The following DENND1A variants were observed in gnomAD, a reference collection of about 807,000 sequenced individuals.
DENND1A encodes DENN domain-containing protein 1A.
A neutral mutation model predicts 113.7 loss-of-function variants in DENND1A; 51 were observed. That is an observed-to-expected ratio of 0.45 (90% confidence interval 0.36 to 0.57). The LOEUF (loss-of-function observed/expected upper bound fraction) is 0.57, where lower values mean the gene tolerates loss of function less well. DENND1A is among the 20% of genes least tolerant of loss of function. The pLI, the probability that DENND1A is intolerant of heterozygous loss-of-function variation, is 0.00. For synonymous variants in DENND1A, 565 were observed against 570.8 expected (o/e 0.99, Z 0.14); for missense variants, 1,258 against 1,395.9 (o/e 0.90, Z 1.57).
intron 5 of DENND1A, among the ~76,000 whole-genome samples, chr9:123,705,830 A>T (rs2140810670): frequency 6.6e-6 from 1 of 152,342 alleles, no homozygotes; most frequent in African/African-American, 2.4e-5. Context: ...ATGGAAAGGC[A>T]CAATACCAAG....
intron 13 of DENND1A, among the ~76,000 whole-genome samples, chr9:123,488,245 C>T (rs1228271797): frequency 6.6e-6 from 1 of 152,198 alleles, no homozygotes. Context: ...CAGTGCTTCC[C>T]CCTCCCCCAG....
intron 13 of DENND1A, among the ~76,000 whole-genome samples, chr9:123,536,219 C>T (rs1001692381): frequency 1.3e-5 from 2 of 152,120 alleles, no homozygotes; most frequent in African/African-American, 2.4e-5. Flanking sequence ...GCTCACATCC[C>T]GGCACTTTGG....
Position 123,619,591 on chromosome 9 carries a change from T to C in DENND1A, c.720-10110A>G, listed in dbSNP as rs191020619. ...CACACCATCACACCTGGCTAATTTT[T>C]GTATTTGTTTTACAGGGACATGATT... On this transcript the variant is annotated intron_variant, in intron 10 of 23. Coordinates refer to ENST00000394215, the MANE Select transcript of DENND1A (RefSeq NM_001352964.2). Among the ~76,000 whole-genome samples, 569 of 152,256 alleles carry C rather than the reference T, an allele frequency of 3.7e-3. 6 individuals are homozygous for C. Among genetic ancestry groups the C allele is most frequent in the Middle Eastern group, 3.4e-3 (1 of 294 alleles).
intron 5 of DENND1A, among the ~76,000 whole-genome samples, chr9:123,710,676 T>TTTG (rs200538290): frequency 2.2e-4 from 32 of 148,756 alleles, no homozygotes; most frequent in East Asian, 5.8e-4. Context: ...CTTGGAGGTT[T>TTTG]TTTTTTTTTT....
At chr9:123,575,359 C>T (rs771775303) in intron 12 of DENND1A, among the ~76,000 whole-genome samples, 12 of 152,200 alleles carry the variant, frequency 7.9e-5, no homozygotes, top group Non-Finnish European at 1.5e-4. Flanking sequence ...TCGCTGCTCA[C>T]CTCCTACTGT....
intron 13 of DENND1A, among the ~76,000 whole-genome samples, chr9:123,554,612 C>T (rs959179326): frequency 3.3e-5 from 5 of 152,184 alleles, no homozygotes; most frequent in Non-Finnish European, 4.4e-5. Context: ...CTTCTGGTTT[C>T]CTTCTCCACC....
intron 13 of DENND1A, among the ~76,000 whole-genome samples, chr9:123,483,802 G>C (rs764035501): frequency 6.6e-6 from 1 of 152,220 alleles, no homozygotes; most frequent in Non-Finnish European, 1.5e-5. Flanking sequence ...CTACCTCCCA[G>C]AGTTGCTGCG....
chr9:123,639,268 T>C (rs2061894818), intron 9 of DENND1A, among the ~76,000 whole-genome samples: 2 of 151,092 alleles, frequency 1.3e-5, no homozygotes, highest in South Asian at 4.2e-4. Flanking sequence ...TGAAACCTTT[T>C]CTCTACCAAA....
intron 5 of DENND1A, among the ~76,000 whole-genome samples, chr9:123,680,347 G>A (rs891931444): frequency 1.3e-5 from 2 of 152,210 alleles, no homozygotes; most frequent in Non-Finnish European, 2.9e-5. Flanking sequence ...AACTTGAGAA[G>A]TTTCCTCCAC....
At chr9:123,788,367 TATA>T (rs756098112) in intron 3 of DENND1A, among the ~76,000 whole-genome samples, 2 of 152,098 alleles carry the variant, frequency 1.3e-5, no homozygotes, top group African/African-American at 4.8e-5. Context: ...GAAAAAATCA[TATA>T]ATGTTTTGAG....
rs769186855 is a variant in DENND1A at position 123,457,439 on chromosome 9, T to C, written c.1099-4A>G. On this transcript the variant is annotated splice_region_variant and splice_polypyrimidine_tract_variant and intron_variant, in intron 14 of 23. Transcript: ENST00000394215. ...GATCTAATCGACCATCAATAAACTATAGAAAGAAGGAACAAAAGCACAACA... is the reference window on the plus strand; with the variant it reads ...GATCTAATCGACCATCAATAAACTACAGAAAGAAGGAACAAAAGCACAACA... The C allele has an allele frequency of 1.2e-6, 2 of 1,611,260 alleles. No homozygotes were observed. The highest frequency in any genetic ancestry group is 1.7e-5 in the Admixed American group (1 of 59,988).
At chr9:123,624,701 G>A (rs2061121048) in intron 10 of DENND1A, among the ~76,000 whole-genome samples, 1 of 152,182 alleles carries the variant, frequency 6.6e-6, no homozygotes, top group South Asian at 2.1e-4. Context: ...CAAGGACTTA[G>A]CAGCCTTCCT....
intron 1 of DENND1A, among the ~76,000 whole-genome samples, chr9:123,918,851 T>C (rs1167012652): frequency 1.3e-5 from 2 of 152,122 alleles, no homozygotes; most frequent in Admixed American, 6.6e-5. Flanking sequence ...AGACATAATG[T>C]ACCTCTTGAT....
At chr9:123,799,634 A>G (rs962516790) in intron 2 of DENND1A, among the ~76,000 whole-genome samples, 4 of 152,230 alleles carry the variant, frequency 2.6e-5, no homozygotes, top group Non-Finnish European at 5.9e-5. Flanking sequence ...TCTGAAGCAT[A>G]TACAATATAG....
intron 12 of DENND1A, among the ~76,000 whole-genome samples, chr9:123,561,596 C>T (rs2057759904): frequency 6.6e-6 from 1 of 152,098 alleles, no homozygotes; most frequent in South Asian, 2.1e-4. Flanking sequence ...CTGAACTTGC[C>T]CTCAGTACCC....
chr9:123,767,075 G>A (rs1828941728), intron 4 of DENND1A, among the ~76,000 whole-genome samples: 1 of 152,134 alleles, frequency 6.6e-6, no homozygotes, highest in South Asian at 2.1e-4. Flanking sequence ...AACCCATCTA[G>A]GGGACTTTAT....
intron 9 of DENND1A, among the ~76,000 whole-genome samples, chr9:123,646,547 C>A (rs529247474): frequency 1.3e-5 from 2 of 152,130 alleles, no homozygotes; most frequent in African/African-American, 2.4e-5. Flanking sequence ...TGAAGGAAAC[C>A]ACAGTGTCGC....
intron 22 of DENND1A, among the ~76,000 whole-genome samples, chr9:123,385,773 C>A (rs1363061574): frequency 5.9e-5 from 9 of 152,134 alleles, no homozygotes; most frequent in Admixed American, 3.3e-4. Context: ...TCACACAGCA[C>A]CCGCAAGAGG....
intron 2 of DENND1A, among the ~76,000 whole-genome samples, chr9:123,810,946 A>G (rs1043830420): frequency 6.6e-6 from 1 of 151,988 alleles, no homozygotes; most frequent in African/African-American, 2.4e-5. Context: ...TTTAGTAGAG[A>G]CAGGGTTTCA....
Sources: allele counts gnomAD v4.1 joint callset (sites outside exome capture counted in the v4.1 genomes callset), GRCh38; gene constraint gnomAD v4.1.1; transcripts MANE v1.5; gene names NCBI Gene and HGNC (gene_info 2026-07-23, HGNC 2026-07-21).